Variants in ELF2 observed in about 807,000 individuals in gnomAD.
ELF2 encodes E74 like ETS transcription factor 2.
Under a neutral mutation model 54.8 loss-of-function variants are expected in ELF2, and 11 were observed. The observed-to-expected ratio is 0.20, with a 90% CI of 0.13 to 0.33. The LOEUF (loss-of-function observed/expected upper bound fraction) is 0.33. Among genes scored for constraint, ELF2 ranks in the 10% least tolerant of loss-of-function variants. The pLI is 1.00. For synonymous variants in ELF2, 203 were observed against 245.1 expected (o/e 0.83, Z 1.61); for missense variants, 513 against 703.0 (o/e 0.73, Z 3.06).
intron 6 of ELF2, among the ~76,000 whole-genome samples, chr4:139,070,026 G>A (rs533100322): frequency 3.3e-5 from 5 of 149,408 alleles, no homozygotes; most frequent in South Asian, 2.1e-4. Flanking sequence ...TTTATTCCTC[G>A]AGATGAGGTC....
At chr4:139,071,723 A>T in intron 6 of ELF2, 143 bp downstream of exon 6, 5 of 789,764 alleles carry the variant, frequency 6.3e-6, no homozygotes, top group Non-Finnish European at 9.5e-6. Context: ...TAAAATCTCA[A>T]TGTTGATTCT....
chr4:139,163,946 G>C (rs1158024960), intron 1 of ELF2, among the ~76,000 whole-genome samples: 1 of 147,848 alleles, frequency 6.8e-6, no homozygotes, highest in African/African-American at 2.5e-5. Flanking sequence ...ACAGAGGGAG[G>C]GGTGAGAAAG....
Position 139,071,920 on chromosome 4 carries a change from T to G in ELF2, c.472A>C (p.Thr158Pro). The change falls in exon 6 of 10, where the codon ACC becomes CCC. Residue 158 changes from threonine (T) to proline (P), a missense_variant. Around this residue, in one of 3 missense-constraint regions of ELF2, gnomAD observed 203 missense variants for 245.9 expected, o/e 0.83. Transcript: ENST00000686138. Reference protein sequence around the residue: ...VSTEESEPMDTSPIPTSPDSH... With the variant: ...VSTEESEPMDPSPIPTSPDSH... ...TCTGGTGATGTTGGAATAGGAGAGG[T>G]ATCCATGGGTTCAGACTCTTCAGTT... 6.2e-7 allele frequency: 1 copy of G among 1,613,020 alleles called. No individual in the cohort carries two copies. The highest frequency in any genetic ancestry group is 1.3e-5 in the African/African-American group (1 of 74,980).
chr4:139,058,006 CTAAAAAAAAGA>C lies in ELF2; in HGVS notation c.*966_*976del, dbSNP rs1011301314. On this transcript the variant is annotated 3_prime_UTR_variant, in exon 10 of 10. Transcript: ENST00000686138. The stretch of plus-strand genomic sequence containing the variant: ...CTGGTATTTCCCTCATAAACTTCAA[CTAAAAAAAAGA>C]AAAAAAAACAAAGAAAACTCCAGGT... The C allele has an allele frequency of 6.6e-6, 1 of 151,960 alleles. No individual in the cohort carries two copies. The highest frequency in any genetic ancestry group is 1.5e-5 in the Non-Finnish European group (1 of 67,942). The allele number at this position is 151,960 out of a possible 1,614,324, so 9.4% of individuals were successfully genotyped here. A position where few individuals can be genotyped will look rare whatever the true frequency, so the allele number is the denominator to read the frequency against.
chr4:139,134,623 T>A (rs12331484), intron 3 of ELF2, among the ~76,000 whole-genome samples: 11 of 117,150 alleles, frequency 9.4e-5, no homozygotes, highest in African/African-American at 3.7e-4. Flanking sequence ...ATTTTATTTA[T>A]TTTATTTTAT....
chr4:139,092,762 C>CT (rs1732810367), intron 4 of ELF2, among the ~76,000 whole-genome samples: 1 of 151,822 alleles, frequency 6.6e-6, no homozygotes, highest in South Asian at 2.1e-4. Flanking sequence ...GATCACGCCA[C>CT]TGCACTACAG....
intron 4 of ELF2, among the ~76,000 whole-genome samples, chr4:139,119,207 G>GA (rs1355400747): frequency 6.6e-6 from 1 of 152,156 alleles, no homozygotes; most frequent in African/African-American, 2.4e-5. Flanking sequence ...CCTTCCTTGG[G>GA]AAAAATCTAT....
intron 1 of ELF2, among the ~76,000 whole-genome samples, chr4:139,154,086 C>CA (rs1274465685): frequency 6.6e-6 from 1 of 152,182 alleles, no homozygotes; most frequent in East Asian, 1.9e-4. Flanking sequence ...TCAACCTTGG[C>CA]AAAATAAACC....
At chr4:139,175,991 TA>T (rs1180757705) in intron 1 of ELF2, among the ~76,000 whole-genome samples, 6 of 152,184 alleles carry the variant, frequency 3.9e-5, no homozygotes, top group African/African-American at 7.2e-5. Context: ...GGACATGGAA[TA>T]AAAATGCCCA....
chr4:139,140,084 C>A (rs1052780626), intron 1 of ELF2, among the ~76,000 whole-genome samples: 1 of 152,170 alleles, frequency 6.6e-6, no homozygotes, highest in Non-Finnish European at 1.5e-5. Context: ...CATATGCCAC[C>A]ATGCTCAGGT....
At chr4:139,073,424 G>C (rs775462879) in intron 5 of ELF2, 30 bp downstream of exon 5, 2 of 1,487,882 alleles carry the variant, frequency 1.3e-6, no homozygotes, top group Non-Finnish European at 1.8e-6. Context: ...AGTATGACAC[G>C]TTTAACATAA....
At chr4:139,099,348 A>C (rs1416936568) in intron 4 of ELF2, among the ~76,000 whole-genome samples, 2 of 152,244 alleles carry the variant, frequency 1.3e-5, no homozygotes, top group Non-Finnish European at 2.9e-5. Flanking sequence ...TATTTTATTG[A>C]AAACCTACTG....
In ELF2 at chr4:139,137,641, C is replaced by G; in HGVS notation, c.61G>C (p.Glu21Gln). The change falls in exon 3 of 10, where the codon GAA (glutamate) becomes CAA (glutamine). Residue 21 changes from glutamate (E) to glutamine (Q), a missense_variant. This residue lies in a region of ELF2 where 203 missense variants were observed against 245.9 expected (regional missense o/e 0.83). Coordinates refer to ENST00000686138, the MANE Select transcript of ELF2 (RefSeq NM_001331036.3). Reference sequence around the variant, plus strand: ...ATTGAATGCCTAACCTCTTGATTTTCTACTCCATTGCTGGAAAGCTCCAAA... The same window carrying G: ...ATTGAATGCCTAACCTCTTGATTTTGTACTCCATTGCTGGAAAGCTCCAAA... ...TILELSSNGVENQEESEKVSE... is the reference protein window; with the variant it reads ...TILELSSNGVQNQEESEKVSE... 2 of 1,613,988 alleles carry G rather than the reference C, an allele frequency of 1.2e-6. No homozygotes were observed. The highest frequency in any genetic ancestry group is 2.2e-5 in the South Asian group (2 of 91,084).
chr4:139,079,415 T>C (rs1056545313), intron 4 of ELF2, among the ~76,000 whole-genome samples: 34 of 152,202 alleles, frequency 2.2e-4, no homozygotes, highest in African/African-American at 8.0e-4. Flanking sequence ...AGGCAAATAA[T>C]GTCCCAGTAT....
intron 4 of ELF2, chr4:139,084,298 C>T (rs1731661010): frequency 6.3e-7 from 1 of 1,598,096 alleles, no homozygotes; most frequent in Admixed American, 1.7e-5. Context: ...GTGCGACCGA[C>T]ACACACTCAC....
intron 1 of ELF2, among the ~76,000 whole-genome samples, chr4:139,165,196 T>A (rs1317239434): frequency 2.0e-5 from 3 of 152,188 alleles, no homozygotes; most frequent in African/African-American, 7.2e-5. Context: ...GGTTTGGGGT[T>A]TTTGTTTGTT....
chr4:139,168,791 C>T (rs893985419), intron 1 of ELF2, among the ~76,000 whole-genome samples: 1 of 152,100 alleles, frequency 6.6e-6, no homozygotes. Flanking sequence ...GGGTCTCAAA[C>T]TCCTGGGCTC....
chr4:139,171,751 C>T (rs1742334632), intron 1 of ELF2, among the ~76,000 whole-genome samples: 3 of 152,058 alleles, frequency 2.0e-5, no homozygotes, highest in Admixed American at 6.6e-5. Context: ...GGTGAAACCC[C>T]GTCTCCACTA....
chr4:139,080,704 A>C (rs1458246649), intron 4 of ELF2, among the ~76,000 whole-genome samples: 1 of 152,148 alleles, frequency 6.6e-6, no homozygotes, highest in Non-Finnish European at 1.5e-5. Context: ...CATACACAAT[A>C]CTTTAACATA....
Sources: gnomAD v4.1 joint callset for allele counts (sites outside exome capture counted in the v4.1 genomes callset) on GRCh38, gnomAD v4.1.1 for gene constraint, gnomAD v4.1.1 regional missense constraint, MANE v1.5 for transcripts, NCBI Gene and HGNC (gene_info 2026-07-23, HGNC 2026-07-21) for gene names.